Variants in PDE4A observed in about 807,000 individuals in gnomAD.
The protein encoded by PDE4A is phosphodiesterase 4A.
In PDE4A, 21 loss-of-function variants were observed where a neutral mutation model predicts 73.9. The observed-to-expected ratio is 0.28, with a 90% confidence interval of 0.20 to 0.41. The LOEUF is 0.41. Among genes scored for constraint, PDE4A ranks in the 10% least tolerant of loss-of-function variants. The pLI is 1.00. For synonymous variants in PDE4A, 463 were observed against 505.4 expected (o/e 0.92, Z 1.13); for missense variants, 958 against 1,211.4 (o/e 0.79, Z 3.10).
chr19:10,446,755 T>C (rs2043011540), intron 2 of PDE4A, among the ~76,000 whole-genome samples: 1 of 151,848 alleles, frequency 6.6e-6, no homozygotes, highest in Non-Finnish European at 1.5e-5. Flanking sequence ...CCATCATGCC[T>C]GGCTAATTGT....
At chr19:10,419,229 G>A (rs1185367492), upstream of PDE4A, 1 of 206,694 alleles carries the variant, frequency 4.8e-6, no homozygotes, top group Non-Finnish European at 8.2e-6. Flanking sequence ...ATCGGCGTGG[G>A]GGGGGGGGGC....
rs916406065 is a variant in PDE4A, at chr19:10,432,397, C to T, written c.320+11313C>T. 6.6e-6 allele frequency: 9 copies of T among 1,361,526 alleles called. No individual in the cohort carries two copies. The Admixed American group carries it at 2.9e-4, about 44-fold the overall frequency. 84.3% of individuals were successfully genotyped at this position (1,361,526 alleles called of 1,614,324 possible). ...AGCGCGCGCCACACCGCCCTGCCGC[C>T]GTCCCCATGCGCGCCCCGACGACGG... On this transcript the variant is annotated intron_variant, in intron 1 of 14. Coordinates refer to ENST00000380702, the MANE Select transcript of PDE4A (RefSeq NM_001111307.2).
At chr19:10,445,071 T>A (rs2042986118) in intron 1 of PDE4A, among the ~76,000 whole-genome samples, 1 of 152,136 alleles carries the variant, frequency 6.6e-6, no homozygotes, top group Non-Finnish European at 1.5e-5. Flanking sequence ...ACCTGTGAGC[T>A]GCAGTGAGGA....
chr19:10,457,437 G>GC (rs1263518886), intron 7 of PDE4A, among the ~76,000 whole-genome samples: 1 of 137,560 alleles, frequency 7.3e-6, no homozygotes, highest in East Asian at 2.8e-4. Context: ...TGGGCGGGGG[G>GC]GGGGGGGGGC....
intron 1 of PDE4A, among the ~76,000 whole-genome samples, chr19:10,436,162 C>G (rs2042862514): frequency 1.3e-5 from 2 of 152,210 alleles, no homozygotes; most frequent in Admixed American, 6.5e-5. Context: ...CTCTCGCCTT[C>G]TCTGGAGCTG....
At position 10,424,351 on chromosome 19, in the gene PDE4A, G is replaced by T. The variant is rs1035311590; in HGVS notation, c.320+3267G>T. Among the ~76,000 whole-genome samples the T allele has an allele frequency of 1.3e-5, 2 of 152,232 alleles. No individual in the cohort carries two copies. The highest frequency in any genetic ancestry group is 2.4e-5 in the African/African-American group (1 of 41,466). ...GGGGCACAGTGTGGCCCCAGGAGCAGGTGGAGGCAGCCGAGCTGGGGTATC... is the reference window on the plus strand; with the variant it reads ...GGGGCACAGTGTGGCCCCAGGAGCATGTGGAGGCAGCCGAGCTGGGGTATC... On this transcript the variant is annotated intron_variant, in intron 1 of 14. Coordinates refer to ENST00000380702, the MANE Select transcript of PDE4A (RefSeq NM_001111307.2). The surrounding 1 kb of genome is among the most constrained non-coding windows in gnomAD (Gnocchi z 4.8).
chr19:10,449,519 C>A (rs541777349), intron 4 of PDE4A, among the ~76,000 whole-genome samples: 1 of 152,098 alleles, frequency 6.6e-6, no homozygotes, highest in African/African-American at 2.4e-5. Flanking sequence ...ACCACCACAC[C>A]GGGCTAATTT....
intron 1 of PDE4A, chr19:10,430,718 GA>G: frequency 4.6e-6 from 1 of 216,974 alleles, no homozygotes; most frequent in Non-Finnish European, 7.8e-6. Flanking sequence ...CGCGAAGCCG[GA>G]AGGGCCGAGG....
intron 1 of PDE4A, among the ~76,000 whole-genome samples, chr19:10,443,440 G>T (rs969372163): frequency 2.0e-5 from 3 of 151,962 alleles, no homozygotes; most frequent in Non-Finnish European, 2.9e-5. Flanking sequence ...AGCTGCTTGG[G>T]AGGCTGAGGT....
In PDE4A at chr19:10,461,872, C is replaced by G; in HGVS notation, c.1621-5C>G. On this transcript the variant is annotated splice_polypyrimidine_tract_variant and splice_region_variant and intron_variant, in intron 12 of 14. Coordinates refer to ENST00000380702, the MANE Select transcript of PDE4A (RefSeq NM_001111307.2). ...GCGGCCCCAGTGACGCCCCCTTGCC[C>G]GCAGGTGCTGGCCACGGACATGTCC... 1 of 1,612,090 alleles carries G rather than the reference C, an allele frequency of 6.2e-7. No individual in the cohort carries two copies. Among genetic ancestry groups the G allele is most frequent in the Non-Finnish European group, 8.5e-7 (1 of 1,179,076 alleles).
chr19:10,431,543 T>A (rs981510411), intron 1 of PDE4A, among the ~76,000 whole-genome samples: 1 of 152,208 alleles, frequency 6.6e-6, no homozygotes, highest in Non-Finnish European at 1.5e-5. Context: ...CTGCGGGGGC[T>A]TGAAGTCTGG....
intron 1 of PDE4A, 154 bp downstream of exon 1, chr19:10,421,238 G>A: frequency 1.0e-6 from 1 of 985,358 alleles, no homozygotes; most frequent in Non-Finnish European, 1.2e-6. Context: ...TCTGGGACCT[G>A]GCCCCTGGTT....
intron 3 of PDE4A, 59 bp downstream of exon 3, chr19:10,449,012 G>C: frequency 6.2e-7 from 1 of 1,611,406 alleles, no homozygotes; most frequent in Non-Finnish European, 8.5e-7. Context: ...CGCCACACTT[G>C]GGGACAGGGC....
In PDE4A at chr19:10,426,012, A is replaced by G. The variant is rs796090834; in HGVS notation, c.320+4928A>G. On this transcript the variant is annotated intron_variant, in intron 1 of 14. Transcript: ENST00000380702. ...AAAAAAAAAAAAAAAAAAAAAAAAA[A>G]AGGAAGGAGGGAAGGAAGGAAAGAA... Among the ~76,000 whole-genome samples, 169 of 140,648 alleles carry G rather than the reference A, an allele frequency of 1.2e-3. 1 individual carries two copies. Among genetic ancestry groups the G allele is most frequent in the African/African-American group, 4.2e-3 (150 of 35,438 alleles). 92.3% of individuals were successfully genotyped at this position (140,648 alleles called of 152,430 possible). A position where few individuals can be genotyped will look rare whatever the true frequency, so the allele number is the denominator to read the frequency against.
At chr19:10,441,850 C>T (rs959090846) in intron 1 of PDE4A, among the ~76,000 whole-genome samples, 4 of 151,488 alleles carry the variant, frequency 2.6e-5, no homozygotes, top group South Asian at 2.1e-4. Flanking sequence ...CCACTACGCC[C>T]GGCTAATTTT....
intron 1 of PDE4A, among the ~76,000 whole-genome samples, chr19:10,441,445 T>TG (rs1485054316): frequency 4.7e-5 from 7 of 150,182 alleles, no homozygotes; most frequent in Non-Finnish European, 1.0e-4. Flanking sequence ...TTTTAAGAGA[T>TG]GGGGTCTCAC....
In PDE4A at chr19:10,454,790, T is replaced by C; in HGVS notation, c.784-39T>C. On this transcript the variant is annotated intron_variant, in intron 6 of 14. Transcript: ENST00000380702. ...CTGACACCCTCCTCACCACTGTGCT[T>C]CCCCCATCATTTCTTCCTTGTTGAC... is the stretch of plus-strand genomic sequence containing the variant. The C allele has an allele frequency of 2.5e-6, 4 of 1,613,054 alleles. No individual in the cohort carries two copies. The South Asian group carries it at 3.3e-5, about 13-fold the overall frequency.
intron 14 of PDE4A, chr19:10,464,518 G>A (rs1402380915): frequency 2.2e-6 from 1 of 446,764 alleles, no homozygotes. Flanking sequence ...CTGGGCTCAA[G>A]CGATCTTCCT....
In PDE4A at chr19:10,468,481, A is replaced by AC. The variant is rs3833220; in HGVS notation, c.*867dup. The AC allele has an allele frequency of 3.2e-4, 38 of 117,086 alleles. 1 individual carries two copies. Among genetic ancestry groups the AC allele is most frequent in the African/African-American group, 1.1e-3 (32 of 30,368 alleles). 7.3% of individuals were successfully genotyped at this position (117,086 alleles called of 1,614,324 possible). ...TTGGGGCAGTGGCTCTGATCCACTCACCCCCCCGCCCCCCGCCCCACTTCT... is the reference window on the plus strand; with the variant it reads ...TTGGGGCAGTGGCTCTGATCCACTCACCCCCCCCGCCCCCCGCCCCACTTCT... On this transcript the variant is annotated 3_prime_UTR_variant, in exon 15 of 15. Transcript: ENST00000380702.
Sources: allele counts gnomAD v4.1 joint callset (sites outside exome capture counted in the v4.1 genomes callset), GRCh38; gene constraint gnomAD v4.1.1; non-coding constraint Gnocchi (gnomAD v3.1); transcripts MANE v1.5; gene names NCBI Gene and HGNC (gene_info 2026-07-23, HGNC 2026-07-21).